GALNT14: variants seen among roughly 807,000 people sequenced by gnomAD.
GALNT14 encodes the protein UDP-GalNAc:polypeptide N-acetylgalactosaminyltransferase 14.
In GALNT14, 60 loss-of-function variants were observed where a neutral mutation model predicts 77.5. The ratio of observed to expected loss-of-function variants is 0.77; its 90% CI spans 0.63 to 0.96. The LOEUF (loss-of-function observed/expected upper bound fraction) is 0.96. Among genes scored for constraint, GALNT14 ranks in the 40% least tolerant of loss-of-function variants. GALNT14 has a pLI of 0.00. For missense variants in GALNT14, 710 were observed against 731.0 expected (o/e 0.97, Z 0.33); for synonymous variants, 280 against 281.7 (o/e 0.99, Z 0.06).
chr2:30,958,505 T>C, intron 3 of GALNT14, 41 bp from the exon 4 acceptor site: 2 of 1,529,804 alleles, frequency 1.3e-6, no homozygotes, highest in South Asian at 1.1e-5. Context: ...GAACTTCTAG[T>C]GGCAAAATAT....
At chr2:30,997,317 C>A (rs1232676525) in intron 1 of GALNT14, among the ~76,000 whole-genome samples, 1 of 152,192 alleles carries the variant, frequency 6.6e-6, no homozygotes, top group East Asian at 1.9e-4. Context: ...GGTGTTCTGG[C>A]CACACCATCA....
intron 2 of GALNT14, among the ~76,000 whole-genome samples, chr2:30,975,421 A>G (rs998859524): frequency 1.3e-5 from 2 of 152,250 alleles, no homozygotes; most frequent in African/African-American, 4.8e-5. Context: ...GTCTGCTCTG[A>G]ATGGAGATAT....
the GALNT14 span, among the ~76,000 whole-genome samples, chr2:30,893,028 T>A: frequency 6.6e-6 from 1 of 152,180 alleles, no homozygotes; most frequent in African/African-American, 2.4e-5. Flanking sequence ...AAAATTGACC[T>A]CTGATGCATG....
At chr2:31,124,384 A>T (rs1322654659) in intron 1 of GALNT14, among the ~76,000 whole-genome samples, 4 of 152,190 alleles carry the variant, frequency 2.6e-5, no homozygotes, top group Non-Finnish European at 5.9e-5. Context: ...GAATCTTTAC[A>T]GGGATACATG....
chr2:31,030,723 G>T (rs909078230), intron 1 of GALNT14, among the ~76,000 whole-genome samples: 14 of 152,252 alleles, frequency 9.2e-5, no homozygotes, highest in Admixed American at 8.5e-4. Context: ...CTTCTCCCTG[G>T]TGGATTCTTT....
Position 30,910,851 on chromosome 2 carries a change from G to A in GALNT14, c.*50C>T, listed in dbSNP as rs1301177037. 2 of 1,596,138 alleles carry A rather than the reference G, an allele frequency of 1.3e-6. No homozygotes were observed. Among genetic ancestry groups the A allele is most frequent in the Non-Finnish European group, 1.7e-6 (2 of 1,170,724 alleles). ...TGCTGCCCAGTTTCCAGTCTGTTCTGGTCCAGGGAAGCACCACCCCATGGC... is the reference window on the plus strand; with the variant it reads ...TGCTGCCCAGTTTCCAGTCTGTTCTAGTCCAGGGAAGCACCACCCCATGGC... On this transcript the variant is annotated 3_prime_UTR_variant, in exon 15 of 15. Coordinates refer to ENST00000349752, the MANE Select transcript of GALNT14 (RefSeq NM_024572.4).
At chr2:30,916,175 T>C (rs533048949) in intron 13 of GALNT14, among the ~76,000 whole-genome samples, 1 of 152,274 alleles carries the variant, frequency 6.6e-6, no homozygotes, top group African/African-American at 2.4e-5. Flanking sequence ...AGTTATAGAT[T>C]AGAAGAAGTT....
the GALNT14 span, among the ~76,000 whole-genome samples, chr2:30,888,738 A>G: frequency 6.6e-6 from 1 of 152,098 alleles, no homozygotes; most frequent in Non-Finnish European, 1.5e-5. Context: ...AAAGAAGGAG[A>G]AGAGGAGGGT....
chr2:31,061,311 C>G (rs1674575808), intron 1 of GALNT14, among the ~76,000 whole-genome samples: 1 of 152,168 alleles, frequency 6.6e-6, no homozygotes, highest in South Asian at 2.1e-4. Context: ...TCCTTAATTT[C>G]TCTTTCTCGA....
Position 30,917,828 on chromosome 2 carries a change from C to T in GALNT14, c.1381-5486G>A, listed in dbSNP as rs573927642. ...GTGAGGTGAGACCTGAGCCAAGTAT[C>T]CAGGGCCTTGAACATCTTAGTCCAT... On this transcript the variant is annotated intron_variant, in intron 13 of 14. Transcript: ENST00000349752. Among the ~76,000 whole-genome samples, 10 of 152,338 alleles carry T rather than the reference C, an allele frequency of 6.6e-5. No individual in the cohort carries two copies. The East Asian group carries it at 1.9e-3, about 29-fold the overall frequency.
chr2:31,061,740 T>A (rs897045562), intron 1 of GALNT14, among the ~76,000 whole-genome samples: 1 of 152,186 alleles, frequency 6.6e-6, no homozygotes, highest in Non-Finnish European at 1.5e-5. Flanking sequence ...TGCCTGCAAG[T>A]GTTGGCTCAT....
At chr2:30,921,872 G>T (rs1300822407) in intron 13 of GALNT14, among the ~76,000 whole-genome samples, 2 of 152,158 alleles carry the variant, frequency 1.3e-5, no homozygotes, top group Non-Finnish European at 2.9e-5. Context: ...CAGAGGCTAG[G>T]GATGCTGCTA....
At chr2:30,960,800 C>T (rs1667649064) in intron 3 of GALNT14, among the ~76,000 whole-genome samples, 1 of 152,186 alleles carries the variant, frequency 6.6e-6, no homozygotes, top group Admixed American at 6.5e-5. Flanking sequence ...CTCACCACTG[C>T]CTCTACAGCA....
At chr2:30,992,548 G>T (rs182385740) in intron 2 of GALNT14, among the ~76,000 whole-genome samples, 1 of 152,286 alleles carries the variant, frequency 6.6e-6, no homozygotes, top group Admixed American at 6.5e-5. Flanking sequence ...GTGCTCTATG[G>T]GTTCGTGTCA....
chr2:31,129,457 C>G (rs774689273), intron 1 of GALNT14: 1 of 985,318 alleles, frequency 1.0e-6, no homozygotes, highest in African/African-American at 1.7e-5. Context: ...ACCTGCCCAC[C>G]ATAAGGACAT....
At chr2:31,133,198 G>A (rs892881416) in intron 1 of GALNT14, among the ~76,000 whole-genome samples, 2 of 152,166 alleles carry the variant, frequency 1.3e-5, no homozygotes, top group Admixed American at 6.5e-5. Context: ...CACTCCGCGT[G>A]TATTAAACTC....
At chr2:30,922,613 C>G (rs1021257671) in intron 13 of GALNT14, among the ~76,000 whole-genome samples, 1 of 152,252 alleles carries the variant, frequency 6.6e-6, no homozygotes, top group Non-Finnish European at 1.5e-5. Context: ...CTACTCATCT[C>G]TGAGAATACA....
intron 1 of GALNT14, among the ~76,000 whole-genome samples, chr2:31,006,067 TCTC>T (rs1670653123): frequency 2.0e-5 from 3 of 152,108 alleles, no homozygotes; most frequent in South Asian, 2.1e-4. Flanking sequence ...TCTGGTCCCT[TCTC>T]CTCGTCTGAA....
intron 1 of GALNT14, among the ~76,000 whole-genome samples, chr2:30,994,712 A>G (rs1317077455): frequency 6.7e-6 from 1 of 149,860 alleles, no homozygotes; most frequent in Non-Finnish European, 1.5e-5. Context: ...TCCCATCCTC[A>G]TGGGAAGGGC....
Sources: gnomAD v4.1 joint callset for allele counts (sites outside exome capture counted in the v4.1 genomes callset) on GRCh38, gnomAD v4.1.1 for gene constraint, MANE v1.5 for transcripts, NCBI Gene and HGNC (gene_info 2026-07-23, HGNC 2026-07-21) for gene names.